The following ARID1B variants were observed in gnomAD, a reference collection of about 807,000 sequenced individuals.
The protein encoded by ARID1B is AT-rich interactive domain-containing protein 1B.
A neutral mutation model predicts 212.3 loss-of-function variants in ARID1B; 30 were observed. That is an observed-to-expected ratio of 0.14 (90% CI 0.11 to 0.19). The LOEUF (loss-of-function observed/expected upper bound fraction) is 0.19, where lower values mean the gene tolerates loss of function less well. ARID1B is among the 10% of genes least tolerant of loss of function. The pLI, the probability that ARID1B is intolerant of heterozygous loss-of-function variation, is 1.00. For missense variants in ARID1B, 2,891 were observed against 3,204.0 expected (o/e 0.90, Z 2.36); for synonymous variants, 1,402 against 1,301.7 (o/e 1.08, Z -1.66).
rs1460478903 is a variant in ARID1B, at chr6:157,190,007, CATT to C, written c.4059-29_4059-27del. On this transcript the variant is annotated intron_variant, in intron 14 of 19. Coordinates refer to ENST00000636930, the MANE Select transcript of ARID1B (RefSeq NM_001374828.1). The surrounding 1 kb of genome is among the most constrained non-coding windows in gnomAD (Gnocchi z 4.6). ...TGTTTGGAGGTAACTCCTGCTGTAT[CATT>C]AAGCTTTCATTCTTTGCCTCTCTTC... 2 of 1,609,908 alleles carry C rather than the reference CATT, an allele frequency of 1.2e-6. No homozygotes were observed. Among genetic ancestry groups the C allele is most frequent in the Admixed American group, 3.4e-5 (2 of 59,662 alleles).
chr6:157,020,957 A>G (rs1780198570), intron 4 of ARID1B, among the ~76,000 whole-genome samples: 1 of 152,242 alleles, frequency 6.6e-6, no homozygotes, highest in African/African-American at 2.4e-5. Flanking sequence ...GCAGAATTCG[A>G]TAAAGAAATG....
intron 4 of ARID1B, among the ~76,000 whole-genome samples, chr6:156,987,184 AG>A (rs1456529285): frequency 6.6e-6 from 1 of 151,388 alleles, no homozygotes; most frequent in African/African-American, 2.4e-5. Flanking sequence ...AGAGAGAGAG[AG>A]AGAGAGAGAG....
chr6:157,050,689 T>A (rs1782542589), intron 4 of ARID1B, among the ~76,000 whole-genome samples: 2 of 152,200 alleles, frequency 1.3e-5, no homozygotes, highest in African/African-American at 2.4e-5. Context: ...AAAAAGTTAA[T>A]TTTTTTGTTT....
intron 7 of ARID1B, among the ~76,000 whole-genome samples, chr6:157,136,020 G>A (rs1299983312): frequency 6.6e-6 from 1 of 152,156 alleles, no homozygotes; most frequent in African/African-American, 2.4e-5. Flanking sequence ...TATATGAGAA[G>A]CTTTTCCAAA....
intron 15 of ARID1B, among the ~76,000 whole-genome samples, chr6:157,192,749 G>A (rs1053365066): frequency 1.3e-5 from 2 of 152,124 alleles, no homozygotes; most frequent in African/African-American, 2.4e-5. Context: ...GCTGCCTTAC[G>A]GTATTGATGT....
chr6:157,078,804 A>G (rs1328749093), intron 4 of ARID1B, among the ~76,000 whole-genome samples: 1 of 152,236 alleles, frequency 6.6e-6, no homozygotes, highest in Non-Finnish European at 1.5e-5. Context: ...GTGTCAATTT[A>G]GCTGATTATC....
intron 3 of ARID1B, among the ~76,000 whole-genome samples, chr6:156,914,380 C>T (rs1389787922): frequency 6.6e-6 from 1 of 152,216 alleles, no homozygotes; most frequent in Non-Finnish European, 1.5e-5. Flanking sequence ...CATTAGGATT[C>T]CATGCAGCTG....
At chr6:156,844,551 C>T (rs1179918902) in intron 2 of ARID1B, among the ~76,000 whole-genome samples, 1 of 152,178 alleles carries the variant, frequency 6.6e-6, no homozygotes, top group Admixed American at 6.5e-5. Flanking sequence ...TGACTTTTGC[C>T]TTTGGAAATA....
At chr6:156,865,495 CT>C (rs1785619998) in intron 2 of ARID1B, among the ~76,000 whole-genome samples, 1 of 152,148 alleles carries the variant, frequency 6.6e-6, no homozygotes, top group Non-Finnish European at 1.5e-5. Context: ...CCCTCAGCCC[CT>C]AATGTTGTAG....
Position 156,777,437 on chromosome 6 carries a change from G to A in ARID1B, c.-244G>A, listed in dbSNP as rs1778689761. 1 of 150,870 alleles carries A rather than the reference G, an allele frequency of 6.6e-6. No homozygotes were observed. Among genetic ancestry groups the A allele is most frequent in the Admixed American group, 6.6e-5 (1 of 15,194 alleles). 9.3% of individuals were successfully genotyped at this position (150,870 alleles called of 1,614,324 possible). On this transcript the variant is annotated 5_prime_UTR_variant, in exon 1 of 20. Coordinates refer to ENST00000636930, the MANE Select transcript of ARID1B (RefSeq NM_001374828.1). ...TGTATTTACCCATATCCGGGCTAGAGAGGAAAAGAGAAAAGTTTCATTTAA... is the reference window on the plus strand; with the variant it reads ...TGTATTTACCCATATCCGGGCTAGAAAGGAAAAGAGAAAAGTTTCATTTAA...
intron 13 of ARID1B, chr6:157,185,018 T>C (rs966393690): frequency 1.3e-5 from 2 of 158,570 alleles, no homozygotes; most frequent in Admixed American, 1.2e-4. Context: ...TTTGCAGCCT[T>C]GTTCTGGAAG....
chr6:156,803,710 T>C (rs1222084531), intron 1 of ARID1B, among the ~76,000 whole-genome samples: 2 of 152,016 alleles, frequency 1.3e-5, no homozygotes, highest in African/African-American at 4.8e-5. Context: ...AGTGGGTTAG[T>C]TGTAAGTGTC....
intron 4 of ARID1B, among the ~76,000 whole-genome samples, chr6:157,080,779 A>G (rs548744095): frequency 3.9e-5 from 6 of 152,346 alleles, no homozygotes; most frequent in Non-Finnish European, 7.3e-5. Flanking sequence ...AGACAGTGGA[A>G]GGATGATGGT....
intron 4 of ARID1B, among the ~76,000 whole-genome samples, chr6:157,022,102 C>T (rs1381464637): frequency 6.6e-6 from 1 of 151,970 alleles, no homozygotes; most frequent in Non-Finnish European, 1.5e-5. Context: ...AGGACGCCAG[C>T]AGGGCCGCGG....
At chr6:156,957,672 T>G (rs1794069740) in intron 4 of ARID1B, among the ~76,000 whole-genome samples, 1 of 152,218 alleles carries the variant, frequency 6.6e-6, no homozygotes, top group South Asian at 2.1e-4. Context: ...TTCTTTCTGT[T>G]TAATTGTAAA....
chr6:157,126,243 C>G (rs575124022), intron 6 of ARID1B, among the ~76,000 whole-genome samples: 47 of 152,244 alleles, frequency 3.1e-4, no homozygotes, highest in Admixed American at 1.4e-3. Flanking sequence ...TCTTATTTGA[C>G]TCTCAGGGTG....
At chr6:156,988,766 A>T (rs892657477) in intron 4 of ARID1B, among the ~76,000 whole-genome samples, 1 of 152,122 alleles carries the variant, frequency 6.6e-6, no homozygotes, top group East Asian at 1.9e-4. Flanking sequence ...GAGCCATCTG[A>T]TAGGGAGGGA....
intron 1 of ARID1B, among the ~76,000 whole-genome samples, chr6:156,789,077 T>A (rs1315414036): frequency 1.3e-5 from 2 of 152,228 alleles, no homozygotes; most frequent in African/African-American, 4.8e-5. Context: ...AAATGATGTA[T>A]CCAAGCTGAA....
intron 2 of ARID1B, among the ~76,000 whole-genome samples, chr6:156,843,059 G>T (rs1784005486): frequency 6.6e-6 from 1 of 152,220 alleles, no homozygotes; most frequent in East Asian, 1.9e-4. Flanking sequence ...CTAGAGTAGG[G>T]TAGTTGTTCT....
Sources: gnomAD v4.1 joint callset for allele counts (sites outside exome capture counted in the v4.1 genomes callset) on GRCh38, gnomAD v4.1.1 for gene constraint, Gnocchi (gnomAD v3.1) non-coding constraint, MANE v1.5 for transcripts, NCBI Gene and HGNC (gene_info 2026-07-23, HGNC 2026-07-21) for gene names.